OXNAD1: variants seen among roughly 807,000 people sequenced by gnomAD.
OXNAD1 encodes oxidoreductase NAD binding domain containing 1.
In OXNAD1, 34 loss-of-function variants were observed where a neutral mutation model predicts 32.9. The observed-to-expected ratio is 1.03, with a 90% CI of 0.79 to 1.38. The LOEUF (loss-of-function observed/expected upper bound fraction) is 1.38. Among genes scored for constraint, OXNAD1 ranks in the 40% most tolerant of loss-of-function variants. The probability of loss-of-function intolerance (pLI) is 0.00; values close to 1 mark genes in which losing one functional copy is unlikely to be tolerated. For synonymous variants in OXNAD1, 134 were observed against 135.2 expected (o/e 0.99, Z 0.06); for missense variants, 407 against 379.4 (o/e 1.07, Z -0.60).
chr3:16,336,362 G>A lies in OXNAD1; in HGVS notation c.*31-750G>A, dbSNP rs1350968384. On this transcript the variant is annotated intron_variant, in intron 9 of 9. Coordinates refer to the OXNAD1 transcript ENST00000435829. The surrounding 1 kb of genome is among the most constrained non-coding windows in gnomAD (Gnocchi z 6.0). ...AAGCACATGGTTCCCATCCAGTGGA[G>A]CCCATGGAGGTGAGGTGGAGGGAGG... 1.3e-5 allele frequency among the ~76,000 whole-genome samples: 2 copies of A among 152,156 alleles called. No individual in the cohort carries two copies. The highest frequency in any genetic ancestry group is 4.8e-5 in the African/African-American group (2 of 41,434).
Position 16,302,493 on chromosome 3 carries a change from G to A in OXNAD1, c.676-147G>A. 1.6e-6 allele frequency: 1 copy of A among 617,782 alleles called. No homozygotes were observed. Among genetic ancestry groups the A allele is most frequent in the Non-Finnish European group, 2.9e-6 (1 of 347,172 alleles). The allele number at this position is 617,782 out of a possible 1,614,324, so 38.3% of individuals were successfully genotyped here. A position where few individuals can be genotyped will look rare whatever the true frequency, so the allele number is the denominator to read the frequency against. ...CTCTGTAGTCTGAATGCTCTGGCCT[G>A]CTAGGCTGCAAACAATATCTCTCTA... On this transcript the variant is annotated intron_variant, in intron 7 of 8. Coordinates refer to ENST00000285083, the MANE Select transcript of OXNAD1 (RefSeq NM_138381.5). This position sits in a 1 kb window ranked among gnomAD's most constrained non-coding sequence, Gnocchi z 4.2.
At position 16,302,621 on chromosome 3, in the gene OXNAD1, AAT is replaced by A; in HGVS notation, c.676-16_676-15del. ...ATTTTTTAAAATTGTAGTGTGACCA[AAT>A]ATGTTTGACATTCCAGAAAAATATC... On this transcript the variant is annotated splice_polypyrimidine_tract_variant and intron_variant, in intron 7 of 8. Coordinates refer to ENST00000285083, the MANE Select transcript of OXNAD1 (RefSeq NM_138381.5). The surrounding 1 kb of genome is among the most constrained non-coding windows in gnomAD (Gnocchi z 4.2). 1 of 1,559,058 alleles carries A rather than the reference AAT, an allele frequency of 6.4e-7. No homozygotes were observed. The highest frequency in any genetic ancestry group is 1.1e-5 in the South Asian group (1 of 88,368).
At chr3:16,282,171 G>A (rs2065791742) in intron 4 of OXNAD1, among the ~76,000 whole-genome samples, 1 of 150,830 alleles carries the variant, frequency 6.6e-6, no homozygotes, top group Non-Finnish European at 1.5e-5. Context: ...TAAGAAAAGG[G>A]GAATAATGAA....
At chr3:16,278,641 T>G (rs1258768516) in intron 4 of OXNAD1, among the ~76,000 whole-genome samples, 3 of 152,256 alleles carry the variant, frequency 2.0e-5, no homozygotes, top group African/African-American at 7.2e-5. Flanking sequence ...ACTCAGTCCT[T>G]GAACTCAGAT....
At chr3:16,343,811 C>T (rs1022220241) in intron 9 of OXNAD1, among the ~76,000 whole-genome samples, 2 of 152,176 alleles carry the variant, frequency 1.3e-5, no homozygotes, top group Non-Finnish European at 2.9e-5. Flanking sequence ...GTTTGCATAG[C>T]AATTTGATAA....
intron 4 of OXNAD1, chr3:16,272,204 T>C (rs1270900781): frequency 2.2e-6 from 1 of 446,812 alleles, no homozygotes; most frequent in Non-Finnish European, 4.5e-6. Flanking sequence ...GTGGACGAGC[T>C]CTTGTTACCC....
chr3:16,311,423 C>T (rs542657949), intron 9 of OXNAD1, among the ~76,000 whole-genome samples: 8 of 152,154 alleles, frequency 5.3e-5, no homozygotes, highest in Non-Finnish European at 1.2e-4. Flanking sequence ...AACTCTTGAC[C>T]TGGCCTCTTT....
rs1553718055 is a variant in OXNAD1 at position 16,324,613 on chromosome 3, A to ACCGC, written c.*31-12497_*31-12496insGCCC. ...TGTAATAAATAACAGAATGTCCCTG[A>ACCGC]CCCCCCCCCTTTTAAGGTTGCATAG... On this transcript the variant is annotated intron_variant, in intron 9 of 9. Transcript: ENST00000435829. 1.3e-4 allele frequency among the ~76,000 whole-genome samples: 12 copies of ACCGC among 90,828 alleles called. 1 individual carries two copies. The highest frequency in any genetic ancestry group is 8.2e-4 in the Admixed American group (7 of 8,568). The allele number at this position is 90,828 out of a possible 152,430, so 59.6% of individuals were successfully genotyped here.
At chr3:16,310,915 G>A (rs779816556), downstream of OXNAD1, among the ~76,000 whole-genome samples, 7 of 150,942 alleles carry the variant, frequency 4.6e-5, no homozygotes, top group Non-Finnish European at 1.0e-4. Context: ...GCTTGAACCT[G>A]GGAGGTGGAG....
intron 1 of OXNAD1, among the ~76,000 whole-genome samples, chr3:16,266,787 T>C (rs2064552358): frequency 6.6e-6 from 1 of 152,170 alleles, no homozygotes; most frequent in Admixed American, 6.5e-5. Context: ...TTAGTAACAC[T>C]GTTGCTTGCC....
At position 16,289,839 on chromosome 3, in the gene OXNAD1, G is replaced by A. The variant is rs2066310611; in HGVS notation, c.290+3391G>A. Among the ~76,000 whole-genome samples, 2 of 152,200 alleles carry A rather than the reference G, an allele frequency of 1.3e-5. No homozygotes were observed. The highest frequency in any genetic ancestry group is 4.8e-5 in the African/African-American group (2 of 41,442). ...CCTCTGCCTTGCCTCGCTACGCTAAGCAGATTTTATCATTGCCCATTTAAT... is the reference window on the plus strand; with the variant it reads ...CCTCTGCCTTGCCTCGCTACGCTAAACAGATTTTATCATTGCCCATTTAAT... On this transcript the variant is annotated intron_variant, in intron 5 of 8. Transcript: ENST00000285083. This position sits in a 1 kb window ranked among gnomAD's most constrained non-coding sequence, Gnocchi z 4.9.
intron 4 of OXNAD1, among the ~76,000 whole-genome samples, chr3:16,281,411 T>C (rs927573011): frequency 2.6e-5 from 4 of 152,182 alleles, no homozygotes; most frequent in East Asian, 3.8e-4. Flanking sequence ...ACGTTTTGAG[T>C]ACTGACGTGA....
chr3:16,316,286 C>T lies in OXNAD1; in HGVS notation c.*30+12694C>T, dbSNP rs750434630. 1 of 159,408 alleles carries T rather than the reference C, an allele frequency of 6.3e-6. No homozygotes were observed. The highest frequency in any genetic ancestry group is 1.4e-5 in the Non-Finnish European group (1 of 73,190). 9.9% of individuals were successfully genotyped at this position (159,408 alleles called of 1,614,324 possible). A position where few individuals can be genotyped will look rare whatever the true frequency, so the allele number is the denominator to read the frequency against. On this transcript the variant is annotated intron_variant, in intron 9 of 9. Coordinates refer to the OXNAD1 transcript ENST00000435829. The surrounding 1 kb of genome is among the most constrained non-coding windows in gnomAD (Gnocchi z 4.5). ...TTTTGAGAAAAGCTGGGAGGCGGAG[C>T]ACCTCCCCTCCCCAATGTCATTTTC... is the stretch of plus-strand genomic sequence containing the variant.
At chr3:16,282,694 GT>G (rs1181213387) in intron 4 of OXNAD1, among the ~76,000 whole-genome samples, 4 of 152,076 alleles carry the variant, frequency 2.6e-5, no homozygotes, top group African/African-American at 4.8e-5. Flanking sequence ...CCTAGGTAGG[GT>G]TTTGGGGAAG....
At chr3:16,281,572 T>C (rs1370821068) in intron 4 of OXNAD1, among the ~76,000 whole-genome samples, 1 of 152,212 alleles carries the variant, frequency 6.6e-6, no homozygotes, top group African/African-American at 2.4e-5. Flanking sequence ...TAAGGGATAC[T>C]CAGCCTGTCA....
intron 2 of OXNAD1, among the ~76,000 whole-genome samples, chr3:16,269,965 AAG>A (rs1288570096): frequency 2.0e-5 from 3 of 152,212 alleles, no homozygotes; most frequent in Admixed American, 6.5e-5. Flanking sequence ...AGGAACCAAA[AAG>A]AAATATCATC....
In OXNAD1 at chr3:16,329,381, C is replaced by T. The variant is rs1308077638; in HGVS notation, c.*31-7731C>T. ...AAAGAGGAAACTTAATAAAGGAAGG[C>T]GGAAGGGAGGAGGGAAGGGAGGAAA... On this transcript the variant is annotated intron_variant, in intron 9 of 9. Coordinates refer to the OXNAD1 transcript ENST00000435829. This position sits in a 1 kb window ranked among gnomAD's most constrained non-coding sequence, Gnocchi z 4.5. Among the ~76,000 whole-genome samples, 6 of 151,972 alleles carry T rather than the reference C, an allele frequency of 3.9e-5. No homozygotes were observed. In the East Asian group the frequency reaches 5.8e-4, roughly 15 times the overall value.
intron 1 of OXNAD1, among the ~76,000 whole-genome samples, chr3:16,267,826 CT>C (rs2064639966): frequency 1.3e-5 from 2 of 152,214 alleles, no homozygotes; most frequent in South Asian, 4.1e-4. Flanking sequence ...CCTGGCACCC[CT>C]GTAGTTGTTG....
chr3:16,326,845 A>C, intron 9 of OXNAD1: 2 of 1,614,102 alleles, frequency 1.2e-6, no homozygotes, highest in East Asian at 2.2e-5. Context: ...CGAGTTCAGC[A>C]GGGGCACGTA....
Sources: gnomAD v4.1 joint callset for allele counts (sites outside exome capture counted in the v4.1 genomes callset) on GRCh38, gnomAD v4.1.1 for gene constraint, Gnocchi (gnomAD v3.1) non-coding constraint, MANE v1.5 for transcripts, NCBI Gene and HGNC (gene_info 2026-07-23, HGNC 2026-07-21) for gene names.